The following FRMD4A variants were observed in gnomAD, a reference collection of about 807,000 sequenced individuals.
The protein encoded by FRMD4A is FERM domain-containing protein 4A.
FRMD4A carries 29 observed loss-of-function variants against 129.1 expected under a neutral mutation model. The observed-to-expected ratio is 0.22, with a 90% CI of 0.17 to 0.31. The LOEUF (loss-of-function observed/expected upper bound fraction) is 0.31. FRMD4A is among the 10% of genes least tolerant of loss of function. FRMD4A has a pLI of 1.00. For missense variants in FRMD4A, 1,272 were observed against 1,375.8 expected, an observed-to-expected ratio of 0.92 and a Z score of 1.19; for synonymous variants, 634 against 571.6, an observed-to-expected ratio of 1.11 and a Z score of -1.56.
intron 2 of FRMD4A, among the ~76,000 whole-genome samples, chr10:14,215,889 C>G (rs956601583): frequency 2.0e-5 from 3 of 152,112 alleles, no homozygotes; most frequent in Non-Finnish European, 4.4e-5. Flanking sequence ...TTCGTAGCTG[C>G]CCCTGCATGT....
At chr10:14,056,424 T>C (rs1349089023) in intron 2 of FRMD4A, among the ~76,000 whole-genome samples, 1 of 152,040 alleles carries the variant, frequency 6.6e-6, no homozygotes, top group Non-Finnish European at 1.5e-5. Flanking sequence ...TAAAGTTTTT[T>C]CCCCCAGTAT....
At chr10:13,667,161 C>T (rs1159196573) in intron 17 of FRMD4A, among the ~76,000 whole-genome samples, 1 of 152,206 alleles carries the variant, frequency 6.6e-6, no homozygotes, top group Non-Finnish European at 1.5e-5. Flanking sequence ...ATCCTTCTGC[C>T]TTGGCCTCCC....
chr10:14,204,377 T>A (rs1381655393), intron 2 of FRMD4A, among the ~76,000 whole-genome samples: 1 of 151,956 alleles, frequency 6.6e-6, no homozygotes, highest in African/African-American at 2.4e-5. Context: ...TGCACCGAAC[T>A]GTGATCAGCC....
At chr10:13,941,056 C>T (rs1245579082) in intron 2 of FRMD4A, among the ~76,000 whole-genome samples, 3 of 152,144 alleles carry the variant, frequency 2.0e-5, no homozygotes, top group African/African-American at 7.2e-5. Context: ...AACCATGGGA[C>T]TTGAAAGGGT....
chr10:13,898,070 T>C (rs187254015), intron 2 of FRMD4A, among the ~76,000 whole-genome samples: 2 of 151,490 alleles, frequency 1.3e-5, no homozygotes, highest in Admixed American at 6.6e-5. Context: ...TAGTGGCAAC[T>C]CTATTAGATT....
Position 14,312,667 on chromosome 10 carries a change from T to C in FRMD4A, c.45+17391A>G, listed in dbSNP as rs372051512. Among the ~76,000 whole-genome samples, 77 of 152,236 alleles carry C rather than the reference T, an allele frequency of 5.1e-4. 1 individual carries two copies. Among genetic ancestry groups the C allele is most frequent in the African/African-American group, 1.7e-3 (71 of 41,562 alleles). ...ATACAATATAATACTAGGAAGCACT[T>C]ACACAGCATGAGGTAGCAAAACTCC... On this transcript the variant is annotated intron_variant, in intron 2 of 24. Coordinates refer to ENST00000357447, the MANE Select transcript of FRMD4A (RefSeq NM_018027.5).
At chr10:14,159,331 C>T (rs932857609) in intron 2 of FRMD4A, among the ~76,000 whole-genome samples, 8 of 152,028 alleles carry the variant, frequency 5.3e-5, no homozygotes, top group East Asian at 1.9e-4. Flanking sequence ...ATAATGAAGT[C>T]GCTGAAAAAG....
intron 2 of FRMD4A, among the ~76,000 whole-genome samples, chr10:13,886,128 A>G (rs1881588): frequency 0.99 from 150,786 of 152,308 alleles, 74,655 homozygotes; most frequent in Middle Eastern, 1. Context: ...GCGTAATGGT[A>G]CATTTTCTGG....
rs561228969 is a variant in FRMD4A, at chr10:14,110,976, GC to G, written c.45+219081del. On this transcript the variant is annotated intron_variant, in intron 2 of 24. Transcript: ENST00000357447. ...CCCAAGTATCTGGGACTAAAGGCAT[GC>G]TAAAAATTTTTAAGAAATGTGAGAA... 9.6e-4 allele frequency among the ~76,000 whole-genome samples: 146 copies of G among 152,244 alleles called. 1 individual carries two copies. The highest frequency in any genetic ancestry group is 3.4e-3 in the African/African-American group (143 of 41,552).
chr10:14,131,402 C>CCCG (rs1554767053), intron 2 of FRMD4A, among the ~76,000 whole-genome samples: 35 of 151,870 alleles, frequency 2.3e-4, no homozygotes, highest in East Asian at 1.6e-3. Flanking sequence ...CTGTGCCCCC[C>CCCG]CCGGCCGCCC....
chr10:13,927,344 G>T (rs532687572), intron 2 of FRMD4A, among the ~76,000 whole-genome samples: 3 of 152,252 alleles, frequency 2.0e-5, no homozygotes, highest in South Asian at 2.1e-4. Context: ...TAGAAAAACT[G>T]ATTCTACTAT....
At chr10:13,963,571 T>C (rs773643042) in intron 2 of FRMD4A, among the ~76,000 whole-genome samples, 1 of 152,228 alleles carries the variant, frequency 6.6e-6, no homozygotes, top group Non-Finnish European at 1.5e-5. Context: ...TTTAGAGGAA[T>C]TGTCCTTTAT....
chr10:14,180,507 A>G (rs985090234), intron 2 of FRMD4A, among the ~76,000 whole-genome samples: 2 of 152,208 alleles, frequency 1.3e-5, no homozygotes, highest in Non-Finnish European at 2.9e-5. Flanking sequence ...CCCAACCTCC[A>G]TTACAGACTT....
At chr10:14,054,494 ACT>A (rs1409893773) in intron 2 of FRMD4A, among the ~76,000 whole-genome samples, 1 of 152,086 alleles carries the variant, frequency 6.6e-6, no homozygotes, top group Non-Finnish European at 1.5e-5. Context: ...GTTCAACGAT[ACT>A]CCAAAAAAAA....
intron 8 of FRMD4A, among the ~76,000 whole-genome samples, chr10:13,759,524 G>A (rs559873548): frequency 6.6e-6 from 1 of 152,290 alleles, no homozygotes; most frequent in South Asian, 2.1e-4. Context: ...AAGAAATGTG[G>A]AGGGAAAAAT....
chr10:13,900,756 G>GT (rs2094810193), intron 2 of FRMD4A, among the ~76,000 whole-genome samples: 1 of 152,094 alleles, frequency 6.6e-6, no homozygotes, highest in African/African-American at 2.4e-5. Context: ...AATTAGCCAG[G>GT]CGTGTTGGCA....
intron 2 of FRMD4A, among the ~76,000 whole-genome samples, chr10:14,314,637 G>A (rs1473880954): frequency 1.3e-5 from 2 of 151,348 alleles, no homozygotes; most frequent in African/African-American, 4.9e-5. Flanking sequence ...GGAACCATGA[G>A]GGGAAGCACT....
chr10:13,785,769 C>T (rs1408906754), intron 5 of FRMD4A, among the ~76,000 whole-genome samples: 1 of 151,848 alleles, frequency 6.6e-6, no homozygotes, highest in African/African-American at 2.4e-5. Flanking sequence ...TATCCCTCCC[C>T]CTACCCCCCA....
chr10:14,286,047 T>G (rs1305510304), intron 2 of FRMD4A, among the ~76,000 whole-genome samples: 1 of 152,252 alleles, frequency 6.6e-6, no homozygotes, highest in African/African-American at 2.4e-5. Flanking sequence ...TGTGGATCAT[T>G]AGAATTCTTC....
Sources: allele counts gnomAD v4.1 joint callset (sites outside exome capture counted in the v4.1 genomes callset), GRCh38; gene constraint gnomAD v4.1.1; transcripts MANE v1.5; gene names NCBI Gene and HGNC (gene_info 2026-07-23, HGNC 2026-07-21).